The following KLF13 variants were observed in gnomAD, a reference collection of about 807,000 sequenced individuals.
The protein encoded by KLF13 is Krueppel-like factor 13.
In KLF13, 8 loss-of-function variants were observed where a neutral mutation model predicts 16.7. That is an observed-to-expected ratio of 0.48 (90% CI 0.28 to 0.87). The LOEUF (loss-of-function observed/expected upper bound fraction) is 0.87. KLF13 is among the 40% of genes least tolerant of loss of function. KLF13 has a pLI of 0.10. For missense variants in KLF13, 447 were observed against 452.2 expected (o/e 0.99, Z 0.10); for synonymous variants, 245 against 208.4 (o/e 1.18, Z -1.51).
chr15:31,428,525 G>A (rs1004487291), intron 1 of KLF13, among the ~76,000 whole-genome samples: 1 of 151,988 alleles, frequency 6.6e-6, no homozygotes, highest in South Asian at 2.1e-4. Flanking sequence ...GCCAAGGACC[G>A]GCCGCGGGCG....
intron 2 of KLF13, among the ~76,000 whole-genome samples, chr15:31,394,633 A>C (rs1303338076): frequency 2.0e-5 from 3 of 152,226 alleles, no homozygotes; most frequent in South Asian, 4.1e-4. Context: ...AGACTTCTCT[A>C]GGTGCATTTT....
At position 31,327,695 on chromosome 15, in the gene KLF13, G is replaced by T; in HGVS notation, c.483G>T (p.Glu161Asp). 6.5e-7 allele frequency: 1 copy of T among 1,535,722 alleles called. No homozygotes were observed. Among genetic ancestry groups the T allele is most frequent in the Non-Finnish European group, 8.8e-7 (1 of 1,138,578 alleles). The change falls in exon 1 of 2, where the codon GAG becomes GAT. Residue 161 changes from glutamate (E) to aspartate (D), a missense_variant. Physicochemically the swap from Glu to Asp is conservative, Grantham distance 45. Around this residue, in one of 2 missense-constraint regions of KLF13, gnomAD observed 359 missense variants for 282.8 expected, o/e 1.27. Transcript: ENST00000307145. ...GGGGCCGAAGTCGCGCCGACCTCGA[G>T]TCCCCGCAGAGGAAGCACAAGTGCC... Reference protein sequence around the residue: ...VRRGRSRADLESPQRKHKCHY... With the variant: ...VRRGRSRADLDSPQRKHKCHY...
chr15:31,355,054 G>T (rs2039278902), intron 1 of KLF13, among the ~76,000 whole-genome samples: 1 of 152,218 alleles, frequency 6.6e-6, no homozygotes, highest in Non-Finnish European at 1.5e-5. Context: ...AAGTGTTGGA[G>T]CCCATCTCGC....
At chr15:31,386,256 G>T (rs2039795121) in intron 1 of KLF13, among the ~76,000 whole-genome samples, 2 of 152,222 alleles carry the variant, frequency 1.3e-5, no homozygotes, top group African/African-American at 4.8e-5. Flanking sequence ...CTAGCATTTT[G>T]GGAGACCAAG....
chr15:31,372,161 C>G lies in KLF13; in HGVS notation c.729C>G (p.Thr243=), dbSNP rs2039564141. ...EKRFMRSDHL[T]KHARRHANFH... ...GCTTCATGCGCAGCGACCACCTGAC[C>G]AAGCACGCGCGCCGCCACGCCAACT... The change falls in exon 2 of 2, where the codon ACC becomes ACG. Residue 243 remains threonine, a synonymous_variant. Transcript: ENST00000307145. The G allele has an allele frequency of 6.2e-7, 1 of 1,612,596 alleles. No homozygotes were observed. The highest frequency in any genetic ancestry group is 1.7e-5 in the Admixed American group (1 of 59,992).
intron 1 of KLF13, among the ~76,000 whole-genome samples, chr15:31,356,894 G>C (rs760006834): frequency 6.6e-6 from 1 of 152,158 alleles, no homozygotes; most frequent in African/African-American, 2.4e-5. Context: ...CCTCTGCAGC[G>C]GGCCCGTCGG....
At position 31,327,713 on chromosome 15, in the gene KLF13, C is replaced by T. The variant is rs753576698; in HGVS notation, c.501C>T (p.His167=). The change falls in exon 1 of 2, where the codon CAC becomes CAT. Residue 167 remains histidine, a synonymous_variant. Transcript: ENST00000307145. ...ACCTCGAGTCCCCGCAGAGGAAGCA[C>T]AAGTGCCACTACGCGGGCTGCGAGA... ...RADLESPQRK[H]KCHYAGCEKV... 5 of 1,539,064 alleles carry T rather than the reference C, an allele frequency of 3.2e-6. No homozygotes were observed. The highest frequency in any genetic ancestry group is 2.6e-5 in the East Asian group (1 of 37,794).
In KLF13 at chr15:31,327,759, C is replaced by T. The variant is rs1411276589; in HGVS notation, c.547C>T (p.His183Tyr). 1 of 1,531,380 alleles carries T rather than the reference C, an allele frequency of 6.5e-7. No homozygotes were observed. The allele number at this position is 1,531,380 out of a possible 1,614,324, so 94.9% of individuals were successfully genotyped here. The part of the protein sequence containing the change: ...GCEKVYGKSS[H>Y]LKAHLRTHTG... ...CGAGAAAGTTTACGGGAAATCTTCGCACCTCAAGGCGCACCTGAGAACTCA... is the reference window on the plus strand; with the variant it reads ...CGAGAAAGTTTACGGGAAATCTTCGTACCTCAAGGCGCACCTGAGAACTCA... The change falls in exon 1 of 2, where the codon CAC becomes TAC. Residue 183 changes from histidine to tyrosine, a missense_variant. Around this residue, in one of 2 missense-constraint regions of KLF13, gnomAD observed 359 missense variants for 282.8 expected, o/e 1.27. Transcript: ENST00000307145.
Position 31,327,113 on chromosome 15 carries a change from G to A in KLF13, c.-100G>A, listed in dbSNP as rs1200903591. 2.1e-6 allele frequency: 2 copies of A among 951,532 alleles called. No individual in the cohort carries two copies. Among genetic ancestry groups the A allele is most frequent in the Non-Finnish European group, 2.6e-6 (2 of 764,606 alleles). The allele number at this position is 951,532 out of a possible 1,614,324, so 58.9% of individuals were successfully genotyped here. The stretch of plus-strand genomic sequence containing the variant: ...CCAGCCCAGCCCGAGGAGAGGGCGC[G>A]CCGCGCCCCCGCCCCCCGCCCGCTC... On this transcript the variant is annotated 5_prime_UTR_variant, in exon 1 of 2. Coordinates refer to ENST00000307145, the MANE Select transcript of KLF13 (RefSeq NM_015995.4).
intron 1 of KLF13, among the ~76,000 whole-genome samples, chr15:31,342,437 C>T (rs1174614616): frequency 6.6e-6 from 1 of 152,220 alleles, no homozygotes; most frequent in East Asian, 1.9e-4. Flanking sequence ...GGTTTCTTAA[C>T]TGACAGCTCT....
intron 1 of KLF13, among the ~76,000 whole-genome samples, chr15:31,351,437 TA>T (rs1404795575): frequency 6.6e-6 from 1 of 150,744 alleles, no homozygotes; most frequent in Non-Finnish European, 1.5e-5. Flanking sequence ...GTTAGGCTCA[TA>T]ACCCCAAGGC....
chr15:31,341,468 T>C (rs1299350500), intron 1 of KLF13, among the ~76,000 whole-genome samples: 1 of 151,888 alleles, frequency 6.6e-6, no homozygotes, highest in Admixed American at 6.6e-5. Flanking sequence ...TCTTCTCTTT[T>C]GAAAAGAAAC....
chr15:31,402,570 T>C (rs1338729637), intron 2 of KLF13, among the ~76,000 whole-genome samples: 2 of 152,208 alleles, frequency 1.3e-5, no homozygotes, highest in Non-Finnish European at 2.9e-5. Context: ...GGTCTCGTGC[T>C]CAGGTCCGAC....
intron 1 of KLF13, among the ~76,000 whole-genome samples, chr15:31,365,227 T>C (rs1183293363): frequency 6.6e-6 from 1 of 152,224 alleles, no homozygotes; most frequent in South Asian, 2.1e-4. Flanking sequence ...AGCCTCTCCC[T>C]GTGCCTCCCT....
chr15:31,433,563 C>G (rs1031163476), intron 1 of KLF13, among the ~76,000 whole-genome samples: 1 of 152,254 alleles, frequency 6.6e-6, no homozygotes, highest in Middle Eastern at 3.4e-3. Context: ...GGGCAGTGAG[C>G]CAGGACTGTT....
At chr15:31,427,242 G>A (rs767198380) in intron 1 of KLF13, among the ~76,000 whole-genome samples, 4 of 152,026 alleles carry the variant, frequency 2.6e-5, no homozygotes, top group Non-Finnish European at 4.4e-5. Flanking sequence ...ATGAAAAGAT[G>A]CACAGCATCA....
intron 1 of KLF13, among the ~76,000 whole-genome samples, chr15:31,335,559 T>A (rs1375215363): frequency 6.6e-6 from 1 of 151,984 alleles, no homozygotes; most frequent in Admixed American, 6.6e-5. Context: ...CCCTGGTTTT[T>A]ACCAACATCT....
At chr15:31,365,135 G>T (rs1025333038) in intron 1 of KLF13, among the ~76,000 whole-genome samples, 11 of 152,328 alleles carry the variant, frequency 7.2e-5, no homozygotes, top group African/African-American at 2.6e-4. Flanking sequence ...ATCAGTGAAT[G>T]ACAGCCCACT....
upstream of KLF13, among the ~76,000 whole-genome samples, chr15:31,391,715 C>T (rs1023451673): frequency 6.9e-6 from 1 of 144,730 alleles, no homozygotes; most frequent in East Asian, 2.2e-4. Flanking sequence ...TGTAGGGGGG[C>T]TGTGGGGGGC....
Sources: allele counts gnomAD v4.1 joint callset (sites outside exome capture counted in the v4.1 genomes callset), GRCh38; gene constraint gnomAD v4.1.1; regional missense constraint gnomAD v4.1.1; transcripts MANE v1.5; gene names NCBI Gene and HGNC (gene_info 2026-07-23, HGNC 2026-07-21).